KHDRBS3: variants seen among roughly 807,000 people sequenced by gnomAD.
KHDRBS3 encodes KH RNA binding domain containing, signal transduction associated 3, also known as KH domain-containing, RNA-binding, signal transduction-associated protein 3.
A neutral mutation model predicts 45.6 loss-of-function variants in KHDRBS3; 23 were observed. The observed-to-expected ratio is 0.50, with a 90% CI of 0.36 to 0.72. The LOEUF is 0.72. Ranked by LOEUF, KHDRBS3 falls within the 30% of genes least tolerant of loss-of-function variation. KHDRBS3 has a pLI of 0.00. For synonymous variants in KHDRBS3, 162 were observed against 156.5 expected, an observed-to-expected ratio of 1.04 and a Z score of -0.26; for missense variants, 352 against 424.8, an observed-to-expected ratio of 0.83 and a Z score of 1.51.
intron 2 of KHDRBS3, among the ~76,000 whole-genome samples, chr8:135,534,388 G>T (rs1451221508): frequency 6.6e-6 from 1 of 151,888 alleles, no homozygotes; most frequent in Non-Finnish European, 1.5e-5. Flanking sequence ...TACTTTCGGG[G>T]CATTAATTTC....
intron 3 of KHDRBS3, among the ~76,000 whole-genome samples, chr8:135,548,162 C>T (rs1295233408): frequency 6.6e-6 from 1 of 152,058 alleles, no homozygotes; most frequent in Non-Finnish European, 1.5e-5. Context: ...ATTCATTCAA[C>T]GAATCTTTGT....
At chr8:135,505,975 G>A (rs1334490416) in intron 1 of KHDRBS3, among the ~76,000 whole-genome samples, 1 of 152,166 alleles carries the variant, frequency 6.6e-6, no homozygotes, top group Non-Finnish European at 1.5e-5. Flanking sequence ...CACTGGCAGA[G>A]GAGAAATGAG....
At chr8:135,623,102 G>C (rs1830215707) in intron 7 of KHDRBS3, among the ~76,000 whole-genome samples, 1 of 152,128 alleles carries the variant, frequency 6.6e-6, no homozygotes, top group South Asian at 2.1e-4. Context: ...CTAATATGTA[G>C]TTTCAATACT....
intron 1 of KHDRBS3, among the ~76,000 whole-genome samples, chr8:135,474,205 A>G (rs1332924587): frequency 6.6e-6 from 1 of 152,168 alleles, no homozygotes; most frequent in Non-Finnish European, 1.5e-5. Flanking sequence ...AAACTTTCCT[A>G]AGTATCTGGA....
At chr8:135,605,532 G>C (rs926801046) in intron 6 of KHDRBS3, among the ~76,000 whole-genome samples, 1 of 152,028 alleles carries the variant, frequency 6.6e-6, no homozygotes. Flanking sequence ...ATGAGACACT[G>C]TTCTTATACT....
intron 5 of KHDRBS3, among the ~76,000 whole-genome samples, chr8:135,562,911 G>A (rs558697041): frequency 6.6e-6 from 1 of 152,252 alleles, no homozygotes; most frequent in South Asian, 2.1e-4. Flanking sequence ...CCATAAATTG[G>A]CCTTCATATG....
intron 1 of KHDRBS3, among the ~76,000 whole-genome samples, chr8:135,510,530 G>A (rs1015566221): frequency 6.6e-5 from 10 of 152,144 alleles, no homozygotes; most frequent in African/African-American, 1.4e-4. Flanking sequence ...CACCTCCTGC[G>A]TTCAAGTGAT....
chr8:135,601,536 G>A (rs1460051810), intron 6 of KHDRBS3, among the ~76,000 whole-genome samples: 10 of 152,164 alleles, frequency 6.6e-5, no homozygotes. Flanking sequence ...GGAGGCACAG[G>A]ACACATTGCA....
chr8:135,562,535 C>CTT (rs35589580), intron 5 of KHDRBS3, among the ~76,000 whole-genome samples: 3 of 152,112 alleles, frequency 2.0e-5, no homozygotes, highest in East Asian at 1.9e-4. Context: ...TTATTTACTC[C>CTT]TTTTTTTCAT....
chr8:135,473,345 T>A (rs1398495029), intron 1 of KHDRBS3, among the ~76,000 whole-genome samples: 1 of 152,218 alleles, frequency 6.6e-6, no homozygotes, highest in East Asian at 1.9e-4. Flanking sequence ...CACCAGCACA[T>A]GCATGCTGAA....
intron 4 of KHDRBS3, among the ~76,000 whole-genome samples, chr8:135,552,249 A>G (rs945963063): frequency 3.3e-5 from 5 of 151,950 alleles, no homozygotes; most frequent in African/African-American, 1.2e-4. Flanking sequence ...AATTCCAGTT[A>G]CGTGTATGTT....
intron 1 of KHDRBS3, among the ~76,000 whole-genome samples, chr8:135,498,694 TG>T (rs1823581873): frequency 6.6e-6 from 1 of 151,472 alleles, no homozygotes; most frequent in Non-Finnish European, 1.5e-5. Context: ...GGTGAAAAGT[TG>T]TTTTTTCTTC....
chr8:135,581,009 G>A (rs1024291088), intron 5 of KHDRBS3, among the ~76,000 whole-genome samples: 4 of 152,158 alleles, frequency 2.6e-5, no homozygotes. Flanking sequence ...TCAAAGTCCA[G>A]CTTTGGGTTT....
At chr8:135,548,974 T>C (rs1198343323) in intron 4 of KHDRBS3, 74 bp downstream of exon 4, 6 of 1,058,104 alleles carry the variant, frequency 5.7e-6, no homozygotes, top group Non-Finnish European at 6.6e-6. Flanking sequence ...TTCTTGTCTG[T>C]AACTGTTATT....
intron 1 of KHDRBS3, among the ~76,000 whole-genome samples, chr8:135,469,102 C>A (rs1821845905): frequency 6.6e-6 from 1 of 152,240 alleles, no homozygotes; most frequent in Non-Finnish European, 1.5e-5. Context: ...AGGCACGACT[C>A]CAGCACCAAT....
intron 1 of KHDRBS3, among the ~76,000 whole-genome samples, chr8:135,499,589 C>G (rs186789216): frequency 6.6e-6 from 1 of 152,112 alleles, no homozygotes; most frequent in African/African-American, 2.4e-5. Context: ...ATCTTAGATA[C>G]GGGATATAGC....
At chr8:135,463,514 A>G (rs551813027) in intron 1 of KHDRBS3, among the ~76,000 whole-genome samples, 8 of 152,178 alleles carry the variant, frequency 5.3e-5, no homozygotes, top group Non-Finnish European at 1.2e-4. Context: ...ATGTTGTCAG[A>G]TCTGCTTTGA....
At chr8:135,611,185 T>G (rs185238885) in intron 7 of KHDRBS3, among the ~76,000 whole-genome samples, 6 of 151,972 alleles carry the variant, frequency 3.9e-5, no homozygotes, top group African/African-American at 1.5e-4. Context: ...GTATGAGAAG[T>G]GCTCACATGG....
intron 6 of KHDRBS3, among the ~76,000 whole-genome samples, chr8:135,587,711 A>C (rs1229793115): frequency 6.6e-6 from 1 of 152,200 alleles, no homozygotes; most frequent in East Asian, 1.9e-4. Flanking sequence ...ATGCTGGTGT[A>C]ATTACACAGG....
Sources: allele counts gnomAD v4.1 joint callset (sites outside exome capture counted in the v4.1 genomes callset), GRCh38; gene constraint gnomAD v4.1.1; transcripts MANE v1.5; gene names NCBI Gene and HGNC (gene_info 2026-07-23, HGNC 2026-07-21).